Variants in LRRTM4 observed in about 807,000 individuals in gnomAD.
LRRTM4 encodes the protein leucine rich repeat transmembrane neuronal 4, also known as leucine-rich repeat transmembrane neuronal protein 4.
A neutral mutation model predicts 47.6 loss-of-function variants in LRRTM4; 25 were observed. That is an observed-to-expected ratio of 0.53 (90% CI 0.38 to 0.73). The LOEUF (loss-of-function observed/expected upper bound fraction) is 0.73, where lower values mean the gene tolerates loss of function less well. Among genes scored for constraint, LRRTM4 ranks in the 30% least tolerant of loss-of-function variants. LRRTM4 has a pLI of 0.00. For synonymous variants in LRRTM4, 311 were observed against 269.5 expected, an observed-to-expected ratio of 1.15 and a Z score of -1.51; for missense variants, 638 against 713.4, an observed-to-expected ratio of 0.89 and a Z score of 1.20.
chr2:77,295,497 A>T (rs1028190176), intron 3 of LRRTM4, among the ~76,000 whole-genome samples: 23 of 152,212 alleles, frequency 1.5e-4, no homozygotes, highest in African/African-American at 5.3e-4. Context: ...GAAAATTGCT[A>T]TATTTGACTG....
intron 3 of LRRTM4, among the ~76,000 whole-genome samples, chr2:77,197,432 A>T (rs1442837697): frequency 6.6e-6 from 1 of 152,150 alleles, no homozygotes; most frequent in African/African-American, 2.4e-5. Flanking sequence ...GTATTATTTG[A>T]AATGAGGAGC....
At chr2:77,366,698 G>A (rs72809191) in intron 3 of LRRTM4, among the ~76,000 whole-genome samples, 2 of 151,862 alleles carry the variant, frequency 1.3e-5, no homozygotes, top group South Asian at 2.1e-4. Flanking sequence ...CATCCATGCA[G>A]TTAGACACAG....
At chr2:77,069,010 ATCCCTTCGTT>A (rs986132760) in intron 3 of LRRTM4, among the ~76,000 whole-genome samples, 2 of 152,180 alleles carry the variant, frequency 1.3e-5, no homozygotes, top group Admixed American at 6.5e-5. Context: ...ATTTGGGCCC[ATCCCTTCGTT>A]TCCCATAAGG....
chr2:76,916,771 A>G (rs148429092), intron 3 of LRRTM4, among the ~76,000 whole-genome samples: 1,924 of 152,086 alleles, frequency 0.013, 21 homozygotes, highest in Middle Eastern at 0.055. Flanking sequence ...GTGCAAAAAT[A>G]TAATTATATT....
chr2:76,837,473 G>C (rs1222026553), intron 3 of LRRTM4, among the ~76,000 whole-genome samples: 5 of 151,860 alleles, frequency 3.3e-5, no homozygotes, highest in Non-Finnish European at 7.4e-5. Flanking sequence ...TGTGATGTTA[G>C]GGTGTCAATT....
chr2:77,191,514 T>C (rs2103879466), intron 3 of LRRTM4, among the ~76,000 whole-genome samples: 1 of 151,928 alleles, frequency 6.6e-6, no homozygotes, highest in African/African-American at 2.4e-5. Context: ...AAAAGCAGTA[T>C]TTGACAAGTT....
chr2:77,100,562 A>T (rs1385602068), intron 3 of LRRTM4, among the ~76,000 whole-genome samples: 1 of 152,138 alleles, frequency 6.6e-6, no homozygotes, highest in Non-Finnish European at 1.5e-5. Flanking sequence ...TGGATTCTTT[A>T]AAAAATAAAA....
At chr2:76,791,727 C>A (rs1201838166) in intron 3 of LRRTM4, among the ~76,000 whole-genome samples, 2 of 152,164 alleles carry the variant, frequency 1.3e-5, no homozygotes, top group Non-Finnish European at 2.9e-5. Flanking sequence ...GTGACAGAAT[C>A]GACATGTAGA....
At chr2:77,208,114 G>C (rs1674192495) in intron 3 of LRRTM4, among the ~76,000 whole-genome samples, 1 of 151,782 alleles carries the variant, frequency 6.6e-6, no homozygotes, top group Non-Finnish European at 1.5e-5. Context: ...CTTGACCTCA[G>C]GTGATCCTCC....
chr2:76,910,815 A>G (rs897128390), intron 3 of LRRTM4, among the ~76,000 whole-genome samples: 2 of 152,162 alleles, frequency 1.3e-5, no homozygotes, highest in Non-Finnish European at 2.9e-5. Flanking sequence ...TTCTTTTAAC[A>G]TTGGAATATA....
chr2:76,778,792 C>T (rs1446134557), intron 3 of LRRTM4, among the ~76,000 whole-genome samples: 3 of 150,380 alleles, frequency 2.0e-5, no homozygotes, highest in Non-Finnish European at 4.4e-5. Context: ...TTATTTCTTG[C>T]CTTCTGCTAG....
intron 3 of LRRTM4, among the ~76,000 whole-genome samples, chr2:77,105,338 A>C (rs1671066157): frequency 6.6e-6 from 1 of 152,094 alleles, no homozygotes; most frequent in African/African-American, 2.4e-5. Context: ...ACAAATGATG[A>C]GTTCATGCCC....
At chr2:77,218,147 G>T (rs567976395) in intron 3 of LRRTM4, among the ~76,000 whole-genome samples, 73 of 152,032 alleles carry the variant, frequency 4.8e-4, no homozygotes, top group Middle Eastern at 6.8e-3. Context: ...GGCATGTGCC[G>T]CCATGCCTGA....
At chr2:77,378,982 G>C (rs2103787131) in intron 3 of LRRTM4, among the ~76,000 whole-genome samples, 1 of 151,792 alleles carries the variant, frequency 6.6e-6, no homozygotes, top group East Asian at 1.9e-4. Flanking sequence ...AATGTTTTTT[G>C]TTCATTTTGT....
intron 3 of LRRTM4, among the ~76,000 whole-genome samples, chr2:77,128,697 T>C (rs1277044239): frequency 1.3e-5 from 2 of 152,246 alleles, no homozygotes; most frequent in African/African-American, 2.4e-5. Context: ...TGGAGTGCAA[T>C]GGCGTGATCT....
At chr2:76,963,188 G>C (rs1210097528) in intron 3 of LRRTM4, among the ~76,000 whole-genome samples, 1 of 150,672 alleles carries the variant, frequency 6.6e-6, no homozygotes, top group Non-Finnish European at 1.5e-5. Context: ...TCTTATTCCT[G>C]AAAGAGCAAT....
At chr2:77,489,336 T>A (rs1392158565) in intron 3 of LRRTM4, among the ~76,000 whole-genome samples, 1 of 152,234 alleles carries the variant, frequency 6.6e-6, no homozygotes, top group African/African-American at 2.4e-5. Flanking sequence ...CATTTATTGG[T>A]CTTCCTTAGC....
At chr2:76,942,491 A>ATTTT (rs59455803) in intron 3 of LRRTM4, among the ~76,000 whole-genome samples, 7,317 of 142,532 alleles carry the variant, frequency 0.051, 259 homozygotes, top group East Asian at 0.12. Flanking sequence ...CTGTGCTAAC[A>ATTTT]TTTTTTTTTT....
intron 3 of LRRTM4, among the ~76,000 whole-genome samples, chr2:76,876,167 T>C (rs1380560259): frequency 6.6e-6 from 1 of 152,050 alleles, no homozygotes; most frequent in Non-Finnish European, 1.5e-5. Flanking sequence ...AAAAAGAAGT[T>C]TTTTAAGAGC....
Sources: allele counts gnomAD v4.1 joint callset (sites outside exome capture counted in the v4.1 genomes callset), GRCh38; gene constraint gnomAD v4.1.1; transcripts MANE v1.5; gene names NCBI Gene and HGNC (gene_info 2026-07-23, HGNC 2026-07-21).